Variants in TRMT61B observed in about 807,000 individuals in gnomAD.
TRMT61B encodes the protein tRNA (adenine(58)-N(1))-methyltransferase, mitochondrial.
In TRMT61B, 56 loss-of-function variants were observed where a neutral mutation model predicts 52.0. That is an observed-to-expected ratio of 1.08 (90% confidence interval 0.87 to 1.35). The LOEUF (loss-of-function observed/expected upper bound fraction) is 1.35, where lower values mean the gene tolerates loss of function less well. Among genes scored for constraint, TRMT61B ranks in the 40% most tolerant of loss-of-function variants. TRMT61B has a pLI of 0.00. For synonymous variants in TRMT61B, 206 were observed against 220.0 expected (o/e 0.94, Z 0.56); for missense variants, 650 against 577.9 (o/e 1.12, Z -1.28).
At position 28,869,601 on chromosome 2, in the gene TRMT61B, C is replaced by T; in HGVS notation, c.677G>A (p.Gly226Glu). The change falls in exon 1 of 7, where the codon GGG becomes GAG. Residue 226 changes from glycine to glutamate, a missense_variant. Coordinates refer to ENST00000306108, the MANE Select transcript of TRMT61B (RefSeq NM_017910.4). The part of the protein sequence containing the change: ...LEDYVVLMKR[G>E]TAITFPKDIN... ...TACCTTTGGGAATGTTATGGCAGTC[C>T]CTCTTTTCATCAATACTACATAGTC... 5 of 1,612,110 alleles carry T rather than the reference C, an allele frequency of 3.1e-6. No individual in the cohort carries two copies. Among genetic ancestry groups the T allele is most frequent in the Non-Finnish European group, 4.2e-6 (5 of 1,178,624 alleles).
intron 3 of TRMT61B, among the ~76,000 whole-genome samples, chr2:28,853,451 C>T (rs549498015): frequency 6.6e-6 from 1 of 152,018 alleles, no homozygotes; most frequent in Non-Finnish European, 1.5e-5. Context: ...GCTGGGATTA[C>T]AGATGTGAAC....
Position 28,849,841 on chromosome 2 carries a change from T to G in TRMT61B, c.*358A>C, listed in dbSNP as rs948368941. On this transcript the variant is annotated 3_prime_UTR_variant, in exon 7 of 7. Coordinates refer to ENST00000306108, the MANE Select transcript of TRMT61B (RefSeq NM_017910.4). ...TAAAATTTATCTTAAAATGCATATT[T>G]TATTTCAGTAGTCAATGACCATCAA... 6.8e-7 allele frequency: 1 copy of G among 1,473,868 alleles called. No homozygotes were observed. The highest frequency in any genetic ancestry group is 9.3e-7 in the Non-Finnish European group (1 of 1,077,868). 91.3% of individuals were successfully genotyped at this position (1,473,868 alleles called of 1,614,324 possible).
In TRMT61B at chr2:28,869,747, G is replaced by A; in HGVS notation, c.531C>T (p.Phe177=). 6.2e-7 allele frequency: 1 copy of A among 1,614,204 alleles called. No homozygotes were observed. The highest frequency in any genetic ancestry group is 8.5e-7 in the Non-Finnish European group (1 of 1,180,042). The change falls in exon 1 of 7, where the codon TTC becomes TTT. Residue 177 remains phenylalanine, a synonymous_variant. Coordinates refer to ENST00000306108, the MANE Select transcript of TRMT61B (RefSeq NM_017910.4). ...KFKKLFRLNN[F]GLLNSNWGAV... is the part of the protein sequence containing the mutation. ...CCCCCCAGTTACTATTTAAGAGTCC[G>A]AAGTTGTTCAACCTAAATAATTTCT...
rs772972805 is a variant in TRMT61B, at chr2:28,870,227, C to G, written c.51G>C (p.Gly17=). The change falls in exon 1 of 7, where the codon GGG becomes GGC. Residue 17 remains glycine (G), a synonymous_variant. Transcript: ENST00000306108. ...RGPVLLCLRQ[G]LGTNSFLHGL... is the part of the protein sequence containing the mutation. ...CGTGCAGGAATGAATTGGTTCCGAGCCCCTGCCGCAGGCACAGCAAGACAG... is the reference window on the plus strand; with the variant it reads ...CGTGCAGGAATGAATTGGTTCCGAGGCCCTGCCGCAGGCACAGCAAGACAG... 1 of 1,609,986 alleles carries G rather than the reference C, an allele frequency of 6.2e-7. No individual in the cohort carries two copies. Among genetic ancestry groups the G allele is most frequent in the Admixed American group, 1.7e-5 (1 of 59,526 alleles).
At chr2:28,851,897 A>C (rs1362615924) in intron 4 of TRMT61B, among the ~76,000 whole-genome samples, 2 of 149,460 alleles carry the variant, frequency 1.3e-5, no homozygotes, top group Admixed American at 6.6e-5. Flanking sequence ...AAAAAAAAAA[A>C]AAAACGAAAA....
intron 1 of TRMT61B, among the ~76,000 whole-genome samples, chr2:28,865,805 C>T (rs183668280): frequency 8.0e-5 from 12 of 150,844 alleles, no homozygotes; most frequent in Admixed American, 2.0e-4. Context: ...CTCAGCCTCC[C>T]GAATAGCTGG....
At chr2:28,852,989 A>G (rs930085139) in intron 3 of TRMT61B, among the ~76,000 whole-genome samples, 1 of 152,088 alleles carries the variant, frequency 6.6e-6, no homozygotes, top group African/African-American at 2.4e-5. Flanking sequence ...ATAGTACTTG[A>G]TGATACTGAA....
chr2:28,857,330 C>A (rs748117975), intron 3 of TRMT61B, among the ~76,000 whole-genome samples: 1 of 151,906 alleles, frequency 6.6e-6, no homozygotes, highest in Non-Finnish European at 1.5e-5. Flanking sequence ...GCACAGCACA[C>A]GACACATGGC....
At chr2:28,860,567 G>C (rs955485444) in intron 3 of TRMT61B, among the ~76,000 whole-genome samples, 6 of 152,062 alleles carry the variant, frequency 3.9e-5, no homozygotes, top group Non-Finnish European at 7.4e-5. Context: ...CATCTTCTCT[G>C]CTTCTTTTCC....
intron 2 of TRMT61B, among the ~76,000 whole-genome samples, chr2:28,864,616 G>A (rs1361120847): frequency 6.6e-6 from 1 of 152,170 alleles, no homozygotes; most frequent in Non-Finnish European, 1.5e-5. Context: ...GAGGGGACAT[G>A]AGGAGGCATC....
chr2:28,855,719 A>ATTG (rs1669313471), intron 3 of TRMT61B, among the ~76,000 whole-genome samples: 1 of 152,216 alleles, frequency 6.6e-6, no homozygotes, highest in African/African-American at 2.4e-5. Context: ...CTGTAATCCA[A>ATTG]GCAGTTTGGG....
chr2:28,863,519 C>A (rs1669698322), intron 2 of TRMT61B, among the ~76,000 whole-genome samples: 1 of 151,618 alleles, frequency 6.6e-6, no homozygotes, highest in Admixed American at 6.6e-5. Flanking sequence ...TAAGTTCTTG[C>A]ACATTTATAG....
intron 3 of TRMT61B, among the ~76,000 whole-genome samples, chr2:28,858,900 TC>T (rs1669470435): frequency 6.6e-6 from 1 of 151,432 alleles, no homozygotes; most frequent in African/African-American, 2.4e-5. Flanking sequence ...TTATTTCTTT[TC>T]TGTTTTTTTT....
chr2:28,859,143 G>C (rs1473405266), intron 3 of TRMT61B, among the ~76,000 whole-genome samples: 1 of 151,524 alleles, frequency 6.6e-6, no homozygotes, highest in Non-Finnish European at 1.5e-5. Flanking sequence ...GCAGTGGCGC[G>C]ATCTCGGCTC....
chr2:28,859,034 G>C (rs573900322), intron 3 of TRMT61B, among the ~76,000 whole-genome samples: 9 of 146,148 alleles, frequency 6.2e-5, no homozygotes, highest in Admixed American at 6.1e-4. Flanking sequence ...AGCTGGGATT[G>C]TAGGCGCCCA....
At chr2:28,868,414 C>T (rs2148155491) in intron 1 of TRMT61B, among the ~76,000 whole-genome samples, 1 of 152,288 alleles carries the variant, frequency 6.6e-6, no homozygotes, top group Non-Finnish European at 1.5e-5. Flanking sequence ...AAAACAATGT[C>T]ATTGTTAATA....
chr2:28,856,720 C>T (rs973635728), intron 3 of TRMT61B, among the ~76,000 whole-genome samples: 3 of 151,954 alleles, frequency 2.0e-5, no homozygotes, highest in African/African-American at 7.3e-5. Flanking sequence ...CTGCAACCTC[C>T]GCCTCCCGGT....
chr2:28,857,978 G>C (rs779512293), intron 3 of TRMT61B, among the ~76,000 whole-genome samples: 14 of 150,712 alleles, frequency 9.3e-5, no homozygotes, highest in Non-Finnish European at 1.6e-4. Flanking sequence ...TACATTTATT[G>C]TTAGTATTCC....
chr2:28,863,756 T>A (rs1669709759), intron 2 of TRMT61B, among the ~76,000 whole-genome samples: 1 of 152,208 alleles, frequency 6.6e-6, no homozygotes, highest in African/African-American at 2.4e-5. Context: ...TAGTATAATC[T>A]AGATAATATT....
Sources: gnomAD v4.1 joint callset for allele counts (sites outside exome capture counted in the v4.1 genomes callset) on GRCh38, gnomAD v4.1.1 for gene constraint, MANE v1.5 for transcripts, NCBI Gene and HGNC (gene_info 2026-07-23, HGNC 2026-07-21) for gene names.